GAK: variants seen among roughly 807,000 people sequenced by gnomAD.
GAK encodes the protein cyclin G associated kinase.
In GAK, 79 loss-of-function variants were observed where a neutral mutation model predicts 143.9. The ratio of observed to expected loss-of-function variants is 0.55; its 90% confidence interval spans 0.46 to 0.66. GAK has a LOEUF of 0.66. Among genes scored for constraint, GAK ranks in the 30% least tolerant of loss-of-function variants. The probability of loss-of-function intolerance (pLI) is 0.00; values close to 1 mark genes in which losing one functional copy is unlikely to be tolerated. For synonymous variants in GAK, 881 were observed against 765.5 expected, an observed-to-expected ratio of 1.15 and a Z score of -2.49; for missense variants, 1,693 against 1,779.7, an observed-to-expected ratio of 0.95 and a Z score of 0.88.
chr4:924,839 G>A (rs1311267900), intron 1 of GAK, among the ~76,000 whole-genome samples: 2 of 152,192 alleles, frequency 1.3e-5, no homozygotes, highest in African/African-American at 4.8e-5. Flanking sequence ...TCCCCCGGGG[G>A]GCTGCTCTCA....
At position 927,998 on chromosome 4, in the gene GAK, C is replaced by T. The variant is rs997922927; in HGVS notation, c.145+4045G>A. Among the ~76,000 whole-genome samples, 20 of 152,358 alleles carry T rather than the reference C, an allele frequency of 1.3e-4. No homozygotes were observed. In the South Asian group the frequency reaches 3.9e-3, roughly 30 times the overall value. On this transcript the variant is annotated intron_variant, in intron 1 of 27. Transcript: ENST00000314167. Reference sequence around the variant, plus strand: ...ACGGAGCTTCAGAGGCTGGTGCCCTCAGTCACAAGTCCTATGTGGGAAGAG... The same window carrying T: ...ACGGAGCTTCAGAGGCTGGTGCCCTTAGTCACAAGTCCTATGTGGGAAGAG...
chr4:888,669 G>A (rs573697252), intron 11 of GAK, 178 bp downstream of exon 11: 4 of 715,726 alleles, frequency 5.6e-6, no homozygotes, highest in East Asian at 2.8e-5. Flanking sequence ...GCCTGGCTCT[G>A]TGGGATGCTG....
chr4:914,253 A>C (rs1353689044), intron 1 of GAK, among the ~76,000 whole-genome samples: 1 of 50,242 alleles, frequency 2.0e-5, no homozygotes, highest in Non-Finnish European at 3.5e-5. Context: ...CCCCCCCCAC[A>C]CACACAGCCC....
At chr4:884,228 C>A in intron 11 of GAK, 142 bp from the exon 12 acceptor site, 2 of 671,624 alleles carry the variant, frequency 3.0e-6, no homozygotes, top group South Asian at 1.8e-5. Context: ...CGTGTGTGTG[C>A]ACAGGCGTGT....
chr4:929,368 A>T (rs915380851), intron 1 of GAK, among the ~76,000 whole-genome samples: 1 of 152,170 alleles, frequency 6.6e-6, no homozygotes, highest in Non-Finnish European at 1.5e-5. Context: ...TTTCTGCCTC[A>T]ATTTATCTCA....
intron 1 of GAK, chr4:915,465 A>G (rs1256344368): frequency 6.5e-6 from 1 of 153,040 alleles, no homozygotes; most frequent in Non-Finnish European, 1.5e-5. Context: ...CCCGACGCCC[A>G]AAAGAGGAAA....
intron 15 of GAK, among the ~76,000 whole-genome samples, chr4:879,448 T>C (rs1191959626): frequency 1.3e-5 from 2 of 152,210 alleles, no homozygotes; most frequent in African/African-American, 4.8e-5. Flanking sequence ...AAGGTTTATG[T>C]TTTCCTTTTA....
chr4:898,106 C>T lies in GAK; in HGVS notation c.578G>A (p.Gly193Asp). ...GTAGTGCGAGATGGTCGTGGCACTG[C>T]CAAAGTCACACAGCTTAATGGTCCC... ...NQGTIKLCDF[G>D]SATTISHYPD... The change falls in exon 6 of 28, where the codon GGC becomes GAC. Residue 193 changes from glycine to aspartate, a missense_variant. Physicochemically the swap from Gly to Asp is moderately conservative, Grantham distance 94 (BLOSUM62 -1). Around this residue, in one of 2 missense-constraint regions of GAK, gnomAD observed 871 missense variants for 991.0 expected, o/e 0.88. Transcript: ENST00000314167. 1 of 1,614,210 alleles carries T rather than the reference C, an allele frequency of 6.2e-7. No homozygotes were observed.
At chr4:885,421 C>T (rs1215453331) in intron 11 of GAK, among the ~76,000 whole-genome samples, 2 of 152,204 alleles carry the variant, frequency 1.3e-5, no homozygotes, top group African/African-American at 2.4e-5. Context: ...TCCTGTACCA[C>T]GGCAGGCAGC....
intron 6 of GAK, among the ~76,000 whole-genome samples, chr4:897,112 T>C (rs1467814821): frequency 6.6e-6 from 1 of 152,036 alleles, no homozygotes; most frequent in Non-Finnish European, 1.5e-5. Flanking sequence ...GCAGACATGT[T>C]GTGAGAGGCA....
At chr4:931,102 T>C (rs1725646974) in intron 1 of GAK, among the ~76,000 whole-genome samples, 2 of 152,188 alleles carry the variant, frequency 1.3e-5, no homozygotes, top group Non-Finnish European at 2.9e-5. Context: ...CAGGCACCAC[T>C]GGACAAAAAA....
At chr4:876,198 C>T (rs903849536) in intron 18 of GAK, among the ~76,000 whole-genome samples, 15 of 152,230 alleles carry the variant, frequency 9.9e-5, no homozygotes, top group Admixed American at 3.9e-4. Flanking sequence ...CTCCAGCCTC[C>T]GCCTGGCAGG....
chr4:876,373 C>T (rs886592886), intron 18 of GAK, among the ~76,000 whole-genome samples, 157 bp downstream of exon 18: 2 of 152,224 alleles, frequency 1.3e-5, no homozygotes, highest in East Asian at 1.9e-4. Context: ...CCTACACACG[C>T]GCAGCTCCAG....
At chr4:860,361 A>C (rs960084157) in intron 23 of GAK, among the ~76,000 whole-genome samples, 31 of 143,952 alleles carry the variant, frequency 2.2e-4, no homozygotes, top group Non-Finnish European at 3.5e-4. Flanking sequence ...AAAAAAAAAA[A>C]CCGTGGTAGA....
chr4:882,008 G>A lies in GAK; in HGVS notation c.1560C>T (p.Cys520=), dbSNP rs760209942. The A allele has an allele frequency of 2.5e-6, 4 of 1,607,036 alleles. No homozygotes were observed. The highest frequency in any genetic ancestry group is 1.7e-5 in the Admixed American group (1 of 59,428). Residue 520 remains cysteine (C), a synonymous_variant, in exon 15 of 28, where the codon TGC becomes TGT. Transcript: ENST00000314167. ...AGAGACGGCAGAAGCACAGGAAGGA[G>A]CAGACGGCCACAGCAGACGCGGCTC... The part of the protein sequence containing the change: ...DGRAASAVAV[C]SFLCFCRLFS...
chr4:882,899 T>G, intron 13 of GAK, 80 bp from the exon 14 acceptor site: 2 of 1,557,132 alleles, frequency 1.3e-6, no homozygotes, highest in Non-Finnish European at 8.7e-7. Flanking sequence ...ACAGCCTGCC[T>G]GCAGTGCGGG....
intron 18 of GAK, among the ~76,000 whole-genome samples, chr4:872,986 T>G (rs1043794857): frequency 6.6e-6 from 1 of 151,456 alleles, no homozygotes; most frequent in African/African-American, 2.4e-5. Flanking sequence ...CGGCGCAGGC[T>G]CACCACGCAG....
At chr4:914,537 C>CCA (rs1722712241) in intron 1 of GAK, among the ~76,000 whole-genome samples, 1 of 119,638 alleles carries the variant, frequency 8.4e-6, no homozygotes. Flanking sequence ...TGCACGGCCA[C>CCA]ACACACACAG....
At chr4:909,140 C>A (rs1721588257) in intron 4 of GAK, among the ~76,000 whole-genome samples, 2 of 152,382 alleles carry the variant, frequency 1.3e-5, no homozygotes, top group South Asian at 4.1e-4. Context: ...AGCCACCGTG[C>A]CTGGCCTAAC....
Sources: allele counts gnomAD v4.1 joint callset (sites outside exome capture counted in the v4.1 genomes callset), GRCh38; gene constraint gnomAD v4.1.1; regional missense constraint gnomAD v4.1.1; transcripts MANE v1.5; gene names NCBI Gene and HGNC (gene_info 2026-07-23, HGNC 2026-07-21).